The following AMPD3 variants were observed in gnomAD, a reference collection of about 807,000 sequenced individuals.
AMPD3 encodes adenosine monophosphate deaminase 3, also known as AMP deaminase 3.
AMPD3 carries 57 observed loss-of-function variants against 82.3 expected under a neutral mutation model. The ratio of observed to expected loss-of-function variants is 0.69; its 90% CI spans 0.56 to 0.86. The LOEUF is 0.86. AMPD3 is among the 40% of genes least tolerant of loss of function. AMPD3 has a pLI of 0.00. For missense variants in AMPD3, 870 were observed against 1,003.8 expected, an observed-to-expected ratio of 0.87 and a Z score of 1.80; for synonymous variants, 381 against 394.7, an observed-to-expected ratio of 0.97 and a Z score of 0.41.
At position 10,501,437 on chromosome 11, in the gene AMPD3, G is replaced by T. The variant is rs368338875; in HGVS notation, c.1722-33G>T. The T allele has an allele frequency of 8.9e-5, 144 of 1,610,516 alleles. No individual in the cohort carries two copies. The African/African-American group carries it at 1.8e-3, about 20-fold the overall frequency. On this transcript the variant is annotated intron_variant, in intron 11 of 14. Coordinates refer to ENST00000396553, the MANE Select transcript of AMPD3 (RefSeq NM_001025389.2). ...CCCCAGGCAGAGCCAACTGGGGGGG[G>T]CCTTCCTGATTCGGAAACCCCTTCT... is the stretch of plus-strand genomic sequence containing the variant.
intron 3 of AMPD3, chr11:10,481,841 C>T (rs1257720820): frequency 2.8e-5 from 17 of 602,036 alleles, no homozygotes; most frequent in Non-Finnish European, 4.5e-5. Flanking sequence ...TCTCAAATTC[C>T]AGGCTCCAGA....
intron 1 of AMPD3, among the ~76,000 whole-genome samples, chr11:10,460,040 AAATATATATTATATAT>A (rs201736847): frequency 0.14 from 20,472 of 144,660 alleles, 1,674 homozygotes; most frequent in African/African-American, 0.19. Context: ...TACATATATA[AAATATATATTATATAT>A]AATATATATT....
chr11:10,450,973 G>T, upstream of AMPD3: 3 of 1,545,148 alleles, frequency 1.9e-6, no homozygotes, highest in Non-Finnish European at 2.6e-6. Context: ...GCTCTGCCCA[G>T]CGCGTCCCCT....
At chr11:10,482,447 A>C (rs184193919) in intron 4 of AMPD3, among the ~76,000 whole-genome samples, 2 of 152,336 alleles carry the variant, frequency 1.3e-5, no homozygotes, top group Non-Finnish European at 2.9e-5. Flanking sequence ...GTCAAGACAG[A>C]GATGTGAAAG....
chr11:10,474,557 G>T (rs1177422060), intron 2 of AMPD3, among the ~76,000 whole-genome samples: 1 of 152,212 alleles, frequency 6.6e-6, no homozygotes, highest in Admixed American at 6.5e-5. Flanking sequence ...GCAACCAAGG[G>T]CCATAGAGCA....
At chr11:10,486,385 G>A (rs941295102) in intron 5 of AMPD3, among the ~76,000 whole-genome samples, 3 of 152,170 alleles carry the variant, frequency 2.0e-5, no homozygotes, top group Non-Finnish European at 4.4e-5. Flanking sequence ...CGTGAATTGT[G>A]GTCGAAGGTT....
At chr11:10,458,793 A>C (rs1360527833) in intron 1 of AMPD3, among the ~76,000 whole-genome samples, 1 of 152,194 alleles carries the variant, frequency 6.6e-6, no homozygotes, top group Non-Finnish European at 1.5e-5. Flanking sequence ...TTTTTTTGAA[A>C]GAAATTTGTA....
chr11:10,475,488 C>T (rs774130927), intron 2 of AMPD3, among the ~76,000 whole-genome samples: 10 of 152,048 alleles, frequency 6.6e-5, no homozygotes, highest in African/African-American at 1.4e-4. Context: ...GGCTGGGCCT[C>T]GGTTGTATAG....
chr11:10,450,963 G>T (rs1222750222), upstream of AMPD3: 5 of 1,518,862 alleles, frequency 3.3e-6, no homozygotes, highest in East Asian at 1.1e-4. Flanking sequence ...GCCCCGCTCC[G>T]CTCTGCCCAG....
At chr11:10,450,867 T>G (rs1292410222), upstream of AMPD3, 1 of 1,219,748 alleles carries the variant, frequency 8.2e-7, no homozygotes, top group Admixed American at 4.5e-5. Context: ...TCCGCAGCGC[T>G]GCGCCCTCTG....
rs1848813867 is a variant in AMPD3 at position 10,478,713 on chromosome 11, G to A, written c.409G>A (p.Gly137Arg). The A allele has an allele frequency of 3.1e-6, 5 of 1,613,260 alleles. No individual in the cohort carries two copies. The highest frequency in any genetic ancestry group is 3.4e-6 in the Non-Finnish European group (4 of 1,180,052). Residue 137 changes from glycine to arginine, a missense_variant, in exon 3 of 15, where the codon GGA becomes AGA. By Grantham distance (125) the Gly-to-Arg change is moderately radical. Coordinates refer to ENST00000396553, the MANE Select transcript of AMPD3 (RefSeq NM_001025389.2). ...TGAGTTCCAGCGGGTCACCATCAGC[G>A]GAGATTACTGTGCCGGGGTAAGGCG... is the stretch of plus-strand genomic sequence containing the variant. Reference protein sequence around the residue: ...MPEFQRVTISGDYCAGITLED... With the variant: ...MPEFQRVTISRDYCAGITLED...
At chr11:10,460,171 C>CA (rs1848225410) in intron 1 of AMPD3, among the ~76,000 whole-genome samples, 5 of 150,938 alleles carry the variant, frequency 3.3e-5, no homozygotes, top group Admixed American at 3.3e-4. Flanking sequence ...GATCATAACT[C>CA]ACTGCAGCCT....
rs1849618599 is a variant in AMPD3 at position 10,502,899 on chromosome 11, G to C, written c.2016+5G>C. On this transcript the variant is annotated splice_donor_5th_base_variant and intron_variant, in intron 13 of 14. Coordinates refer to ENST00000396553, the MANE Select transcript of AMPD3 (RefSeq NM_001025389.2). The stretch of plus-strand genomic sequence containing the variant: ...ATGCAGTTCCACTACACGAAGGTAA[G>C]GACTTTGGGGTGAGGACAGTAGTGC... 1 of 1,614,120 alleles carries C rather than the reference G, an allele frequency of 6.2e-7. No homozygotes were observed. The highest frequency in any genetic ancestry group is 1.1e-5 in the South Asian group (1 of 91,078).
intron 2 of AMPD3, among the ~76,000 whole-genome samples, chr11:10,470,812 G>C (rs1459705406): frequency 2.0e-5 from 3 of 151,976 alleles, no homozygotes. Context: ...AAATAAGAAA[G>C]GACAAAAACA....
rs114400965 is a variant in AMPD3 at position 10,473,621 on chromosome 11, C to T, written c.222-4905C>T. The T allele has an allele frequency of 2.0e-3, 1,967 of 983,888 alleles. 32 individuals carry two copies. The African/African-American group carries it at 0.031, about 15-fold the overall frequency. The allele number at this position is 983,888 out of a possible 1,614,324, so 60.9% of individuals were successfully genotyped here. A position where few individuals can be genotyped will look rare whatever the true frequency, so the allele number is the denominator to read the frequency against. On this transcript the variant is annotated intron_variant, in intron 2 of 14. Coordinates refer to ENST00000396553, the MANE Select transcript of AMPD3 (RefSeq NM_001025389.2). Reference sequence around the variant, plus strand: ...GATGCTGGTCATCTGGCTGCATATGCGGAGTGAGTGATCTCTGTGCGCCCC... The same window carrying T: ...GATGCTGGTCATCTGGCTGCATATGTGGAGTGAGTGATCTCTGTGCGCCCC...
At chr11:10,486,341 C>G (rs1228959291) in intron 5 of AMPD3, among the ~76,000 whole-genome samples, 5 of 152,176 alleles carry the variant, frequency 3.3e-5, no homozygotes, top group African/African-American at 1.2e-4. Flanking sequence ...AAGGAAGCTG[C>G]TGTTTGTTTT....
chr11:10,469,414 T>G (rs185372523), intron 2 of AMPD3, among the ~76,000 whole-genome samples: 2 of 152,326 alleles, frequency 1.3e-5, no homozygotes, highest in African/African-American at 4.8e-5. Context: ...GATAAATTCC[T>G]GGATGCATAC....
At chr11:10,484,303 C>G in intron 4 of AMPD3, 8 of 985,356 alleles carry the variant, frequency 8.1e-6, no homozygotes, top group Non-Finnish European at 9.6e-6. Context: ...GACAAGTTCC[C>G]TATCCTTTGC....
chr11:10,478,675 C>T lies in AMPD3; in HGVS notation c.371C>T (p.Pro124Leu). Residue 124 changes from proline to leucine, a missense_variant, in exon 3 of 15, where the codon CCC becomes CTC. By Grantham distance (98) the Pro-to-Leu change is moderately conservative. Transcript: ENST00000396553. ...GCCACTTCCCTGCCCACGCCAGCAC[C>T]CTATGCCATGCCTGAGTTCCAGCGG... ...TGATSLPTPAPYAMPEFQRVT... is the reference protein window; with the variant it reads ...TGATSLPTPALYAMPEFQRVT... The T allele has an allele frequency of 6.2e-7, 1 of 1,614,204 alleles. No individual in the cohort carries two copies. Among genetic ancestry groups the T allele is most frequent in the Non-Finnish European group, 8.5e-7 (1 of 1,180,046 alleles).
Sources: gnomAD v4.1 joint callset for allele counts (sites outside exome capture counted in the v4.1 genomes callset) on GRCh38, gnomAD v4.1.1 for gene constraint, MANE v1.5 for transcripts, NCBI Gene and HGNC (gene_info 2026-07-23, HGNC 2026-07-21) for gene names.